Variants in SUCLG2 observed in about 807,000 individuals in gnomAD.
SUCLG2 encodes succinate-CoA ligase GDP-forming subunit beta.
In SUCLG2, 42 loss-of-function variants were observed where a neutral mutation model predicts 47.9. The observed-to-expected ratio is 0.88, with a 90% CI of 0.69 to 1.14. The LOEUF is 1.14. Among genes scored for constraint, SUCLG2 ranks in the 50% most tolerant of loss-of-function variants. The pLI is 0.00. For synonymous variants in SUCLG2, 195 were observed against 197.3 expected, an observed-to-expected ratio of 0.99 and a Z score of 0.10; for missense variants, 571 against 525.9, an observed-to-expected ratio of 1.09 and a Z score of -0.84.
At chr3:67,597,254 G>T (rs1708314393) in intron 2 of SUCLG2, among the ~76,000 whole-genome samples, 2 of 152,162 alleles carry the variant, frequency 1.3e-5, no homozygotes, top group South Asian at 4.1e-4. Flanking sequence ...TCCCACCATT[G>T]CCCACAGGGC....
intron 1 of SUCLG2, among the ~76,000 whole-genome samples, chr3:67,632,336 C>T (rs1469338370): frequency 6.6e-6 from 1 of 152,128 alleles, no homozygotes; most frequent in Non-Finnish European, 1.5e-5. Flanking sequence ...GCACGCACCA[C>T]CACACCCAGC....
chr3:67,593,071 T>C (rs557873641), intron 2 of SUCLG2, among the ~76,000 whole-genome samples: 1 of 152,310 alleles, frequency 6.6e-6, no homozygotes, highest in Admixed American at 6.5e-5. Flanking sequence ...TTACTATAGG[T>C]CCAGGTGGAT....
intron 9 of SUCLG2, among the ~76,000 whole-genome samples, chr3:67,481,407 G>A (rs962920198): frequency 1.5e-4 from 23 of 152,164 alleles, no homozygotes; most frequent in East Asian, 3.9e-4. Context: ...GCTGTATTCC[G>A]GTACAACTTT....
intron 2 of SUCLG2, among the ~76,000 whole-genome samples, chr3:67,532,737 A>G (rs1031840357): frequency 6.6e-6 from 1 of 152,354 alleles, no homozygotes; most frequent in South Asian, 2.1e-4. Flanking sequence ...ACTCTCAAAC[A>G]CAGTATCACT....
chr3:67,505,128 T>C (rs12636825), intron 7 of SUCLG2, among the ~76,000 whole-genome samples: 9,127 of 152,112 alleles, frequency 0.06, 418 homozygotes, highest in East Asian at 0.23. Context: ...CCAAGCAGGG[T>C]CAATGAGAAT....
At chr3:67,638,017 A>G (rs1701037690) in intron 1 of SUCLG2, among the ~76,000 whole-genome samples, 1 of 152,226 alleles carries the variant, frequency 6.6e-6, no homozygotes, top group Non-Finnish European at 1.5e-5. Context: ...ATTACATGTT[A>G]AACTACATAT....
intron 2 of SUCLG2, among the ~76,000 whole-genome samples, chr3:67,562,574 G>A (rs1405009055): frequency 2.0e-5 from 3 of 152,148 alleles, no homozygotes; most frequent in East Asian, 1.9e-4. Flanking sequence ...CACTGCGCCC[G>A]GCCTCCAATT....
chr3:67,553,590 C>A (rs1377553199), intron 2 of SUCLG2, among the ~76,000 whole-genome samples: 1 of 152,168 alleles, frequency 6.6e-6, no homozygotes, highest in African/African-American at 2.4e-5. Flanking sequence ...ACATTTTAAA[C>A]TGCATTTACA....
At chr3:67,547,981 A>G (rs1343495856) in intron 2 of SUCLG2, among the ~76,000 whole-genome samples, 1 of 152,170 alleles carries the variant, frequency 6.6e-6, no homozygotes. Context: ...TTCTCCTGAA[A>G]ATGACCAGTA....
At chr3:67,460,152 T>TA (rs1704296286) in intron 9 of SUCLG2, among the ~76,000 whole-genome samples, 1 of 152,230 alleles carries the variant, frequency 6.6e-6, no homozygotes, top group African/African-American at 2.4e-5. Context: ...GGCCCTGCCT[T>TA]ATACCAATTA....
intron 2 of SUCLG2, among the ~76,000 whole-genome samples, chr3:67,550,513 T>C (rs1706984248): frequency 6.6e-6 from 1 of 151,750 alleles, no homozygotes; most frequent in Non-Finnish European, 1.5e-5. Context: ...TGCCTGGAAA[T>C]TTTTTTTGTT....
At chr3:67,389,320 C>T (rs1250080228) in intron 10 of SUCLG2, among the ~76,000 whole-genome samples, 1 of 152,104 alleles carries the variant, frequency 6.6e-6, no homozygotes, top group African/African-American at 2.4e-5. Flanking sequence ...GAAGCTGCAA[C>T]ACTGGAGAGA....
intron 9 of SUCLG2, chr3:67,408,460 G>T: frequency 3.8e-6 from 1 of 261,724 alleles, no homozygotes; most frequent in Non-Finnish European, 5.9e-6. Flanking sequence ...CATCAATTGA[G>T]ATGAACCAAC....
At position 67,528,218 on chromosome 3, in the gene SUCLG2, T is replaced by G; in HGVS notation, c.331A>C (p.Asn111His). The change falls in exon 4 of 11, where the codon AAT becomes CAT. Residue 111 changes from asparagine to histidine, a missense_variant. Asn to His is a moderately conservative substitution (Grantham distance 68, BLOSUM62 1). Transcript: ENST00000307227. ...KGGVHLTKDP[N>H]VVGQLAKQMI... ...TGTTTAGCCAGCTGTCCCACAACATTAGGGCTAAGAGAAAGAGAAAACAAG... is the reference window on the plus strand; with the variant it reads ...TGTTTAGCCAGCTGTCCCACAACATGAGGGCTAAGAGAAAGAGAAAACAAG... The G allele has an allele frequency of 6.2e-7, 1 of 1,613,508 alleles. No homozygotes were observed. Among genetic ancestry groups the G allele is most frequent in the South Asian group, 1.1e-5 (1 of 91,050 alleles).
intron 7 of SUCLG2, among the ~76,000 whole-genome samples, chr3:67,502,591 G>C (rs191881916): frequency 6.6e-4 from 100 of 152,300 alleles, no homozygotes; most frequent in African/African-American, 2.3e-3. Context: ...CAGGTTGTTA[G>C]ACGACCACAC....
At chr3:67,621,548 A>C (rs1700737303) in intron 1 of SUCLG2, among the ~76,000 whole-genome samples, 1 of 152,174 alleles carries the variant, frequency 6.6e-6, no homozygotes, top group Non-Finnish European at 1.5e-5. Flanking sequence ...GAGAGGTGGG[A>C]TCTATAACAG....
chr3:67,574,672 A>G (rs528596613), intron 2 of SUCLG2, among the ~76,000 whole-genome samples: 2 of 152,342 alleles, frequency 1.3e-5, no homozygotes, highest in Admixed American at 6.5e-5. Context: ...TAGATACAAC[A>G]TCAAAAGCAT....
At chr3:67,582,440 C>T (rs1057468017) in intron 2 of SUCLG2, among the ~76,000 whole-genome samples, 7 of 152,182 alleles carry the variant, frequency 4.6e-5, no homozygotes, top group African/African-American at 1.7e-4. Context: ...CTACAAGAGA[C>T]ATGTTCTTGC....
intron 1 of SUCLG2, among the ~76,000 whole-genome samples, chr3:67,624,242 T>G (rs55933747): frequency 0.057 from 8,721 of 152,224 alleles, 340 homozygotes; most frequent in African/African-American, 0.11. Flanking sequence ...TCACACTGGC[T>G]TGCCAAAGAA....
Sources: gnomAD v4.1 joint callset for allele counts (sites outside exome capture counted in the v4.1 genomes callset) on GRCh38, gnomAD v4.1.1 for gene constraint, MANE v1.5 for transcripts, NCBI Gene and HGNC (gene_info 2026-07-23, HGNC 2026-07-21) for gene names.